The following SLC35A3 variants were observed in gnomAD, a reference collection of about 807,000 sequenced individuals.
The protein encoded by SLC35A3 is UDP-N-acetylglucosamine transporter.
SLC35A3 carries 26 observed loss-of-function variants against 39.0 expected under a neutral mutation model. The observed-to-expected ratio is 0.67, with a 90% CI of 0.49 to 0.92. The LOEUF (loss-of-function observed/expected upper bound fraction) is 0.92, where lower values mean the gene tolerates loss of function less well. SLC35A3 is among the 40% of genes least tolerant of loss of function. SLC35A3 has a pLI of 0.00. For synonymous variants in SLC35A3, 135 were observed against 133.1 expected, an observed-to-expected ratio of 1.01 and a Z score of -0.10; for missense variants, 299 against 371.6, an observed-to-expected ratio of 0.80 and a Z score of 1.61.
chr1:99,984,283 T>C (rs1462875401), intron 1 of SLC35A3, among the ~76,000 whole-genome samples: 1 of 152,214 alleles, frequency 6.6e-6, no homozygotes, highest in Non-Finnish European at 1.5e-5. Context: ...GAGTTGTAGA[T>C]TAAAGGGGCC....
chr1:100,014,028 A>G (rs950336847), intron 5 of SLC35A3, among the ~76,000 whole-genome samples: 53 of 152,166 alleles, frequency 3.5e-4, no homozygotes, highest in African/African-American at 1.3e-3. Context: ...TCTTATTCCA[A>G]TAGTCATGTG....
intron 1 of SLC35A3, among the ~76,000 whole-genome samples, chr1:99,983,245 A>G (rs1482746029): frequency 5.3e-5 from 8 of 152,034 alleles, no homozygotes; most frequent in Admixed American, 5.2e-4. Flanking sequence ...AATGGCTACA[A>G]AAATACGGTT....
chr1:100,029,869 A>G lies in SLC35A3; in HGVS notation c.*7393A>G, dbSNP rs1020155226. On this transcript the variant is annotated 3_prime_UTR_variant, in exon 8 of 8. Transcript: ENST00000533028. ...AGAACATATATATATATATAGAGAG[A>G]GAGAGAGCATAGTATTGTCATTTAG... 9 of 152,200 alleles carry G rather than the reference A, an allele frequency of 5.9e-5. No homozygotes were observed. Among genetic ancestry groups the G allele is most frequent in the Non-Finnish European group, 7.4e-5 (5 of 68,024 alleles). The allele number at this position is 152,200 out of a possible 1,614,324, so 9.4% of individuals were successfully genotyped here. A position where few individuals can be genotyped will look rare whatever the true frequency, so the allele number is the denominator to read the frequency against.
At chr1:100,011,585 A>G (rs1659642914) in intron 5 of SLC35A3, 52 bp downstream of exon 5, 1 of 665,298 alleles carries the variant, frequency 1.5e-6, no homozygotes, top group African/African-American at 1.9e-5. Context: ...ATATTGTTAT[A>G]TTTAAAGATT....
rs1299400346 is a variant in SLC35A3, at chr1:100,028,927, CAG to C, written c.*6454_*6455del. 1.3e-5 allele frequency: 2 copies of C among 152,272 alleles called. No homozygotes were observed. Among genetic ancestry groups the C allele is most frequent in the South Asian group, 4.1e-4 (2 of 4,834 alleles). 9.4% of individuals were successfully genotyped at this position (152,272 alleles called of 1,614,324 possible). A position where few individuals can be genotyped will look rare whatever the true frequency, so the allele number is the denominator to read the frequency against. ...CAGCCAAAGGAAGTGACACATAAAACAGAGTCTAGGAGTGGTCCAAACTTGAG... is the reference window on the plus strand; with the variant it reads ...CAGCCAAAGGAAGTGACACATAAAACAGTCTAGGAGTGGTCCAAACTTGAG... On this transcript the variant is annotated 3_prime_UTR_variant, in exon 8 of 8. Transcript: ENST00000533028.
Position 100,029,392 on chromosome 1 carries a change from A to C in SLC35A3, c.*6916A>C, listed in dbSNP as rs1265729700. On this transcript the variant is annotated 3_prime_UTR_variant, in exon 8 of 8. Coordinates refer to ENST00000533028, the MANE Select transcript of SLC35A3 (RefSeq NM_012243.3). ...CCTTCTGAATTGATGAGGATGATAC[A>C]AGCAACGACAATTCTTCTTTTCAGA... 6.6e-6 allele frequency: 1 copy of C among 151,990 alleles called. No individual in the cohort carries two copies. Among genetic ancestry groups the C allele is most frequent in the African/African-American group, 2.4e-5 (1 of 41,334 alleles). The allele number at this position is 151,990 out of a possible 1,614,324, so 9.4% of individuals were successfully genotyped here. A position where few individuals can be genotyped will look rare whatever the true frequency, so the allele number is the denominator to read the frequency against.
rs1661120006 is a variant in SLC35A3, at chr1:100,029,667, G to T, written c.*7191G>T. 2 of 152,128 alleles carry T rather than the reference G, an allele frequency of 1.3e-5. No individual in the cohort carries two copies. Among genetic ancestry groups the T allele is most frequent in the African/African-American group, 4.8e-5 (2 of 41,390 alleles). The allele number at this position is 152,128 out of a possible 1,614,324, so 9.4% of individuals were successfully genotyped here. On this transcript the variant is annotated 3_prime_UTR_variant, in exon 8 of 8. Transcript: ENST00000533028. ...GCTGGTCTCGAACTCCTGACCTCAG[G>T]TGATCTGCCGGCCTTGGCCTCCCAA...
At chr1:100,018,134 A>G (rs989807309) in intron 7 of SLC35A3, among the ~76,000 whole-genome samples, 2 of 152,226 alleles carry the variant, frequency 1.3e-5, no homozygotes, top group Admixed American at 1.3e-4. Flanking sequence ...CATTTTTAAA[A>G]TACGGAATTT....
intron 1 of SLC35A3, among the ~76,000 whole-genome samples, chr1:99,982,612 T>TA (rs1424160925): frequency 4.6e-5 from 7 of 152,294 alleles, no homozygotes; most frequent in South Asian, 4.1e-4. Context: ...TAACTATAGA[T>TA]TTTAGTGTGT....
In SLC35A3 at chr1:100,022,540, A is replaced by G. The variant is rs779173057; in HGVS notation, c.*64A>G. On this transcript the variant is annotated 3_prime_UTR_variant, in exon 8 of 8. Coordinates refer to ENST00000533028, the MANE Select transcript of SLC35A3 (RefSeq NM_012243.3). ...CTAGGAATCTCGACATTAATCTTGC[A>G]CAGAGGACTTCTACAGAGTCTGAGA... 7.3e-6 allele frequency: 6 copies of G among 822,438 alleles called. No homozygotes were observed. The highest frequency in any genetic ancestry group is 6.9e-5 in the African/African-American group (4 of 58,150). 50.9% of individuals were successfully genotyped at this position (822,438 alleles called of 1,614,324 possible). A position where few individuals can be genotyped will look rare whatever the true frequency, so the allele number is the denominator to read the frequency against.
intron 3 of SLC35A3, among the ~76,000 whole-genome samples, chr1:100,002,263 AGGCT>A (rs1658864650): frequency 6.6e-6 from 1 of 152,034 alleles, no homozygotes; most frequent in South Asian, 2.1e-4. Flanking sequence ...CTTTTGTGGG[AGGCT>A]TTTTAAGTGC....
chr1:99,970,594 C>G (rs1208484285), intron 1 of SLC35A3: 10 of 1,536,008 alleles, frequency 6.5e-6, no homozygotes, highest in Non-Finnish European at 8.7e-6. Context: ...CGACCAGCAC[C>G]TGGAGCTCAA....
chr1:99,977,240 T>A (rs907444286), intron 1 of SLC35A3, among the ~76,000 whole-genome samples: 1 of 151,644 alleles, frequency 6.6e-6, no homozygotes, highest in African/African-American at 2.4e-5. Context: ...GCAGTAGGCC[T>A]GGTGCAGTGG....
chr1:99,983,181 GGT>G (rs967120631), intron 1 of SLC35A3, among the ~76,000 whole-genome samples: 1 of 151,472 alleles, frequency 6.6e-6, no homozygotes, highest in Admixed American at 6.6e-5. Flanking sequence ...TGTGTGTGTG[GGT>G]GTGTGTGTGT....
chr1:100,011,911 G>A (rs1454231577), intron 5 of SLC35A3, among the ~76,000 whole-genome samples: 2 of 151,492 alleles, frequency 1.3e-5, no homozygotes, highest in African/African-American at 2.4e-5. Context: ...GTAGAGATAG[G>A]GTTTCACTGT....
In SLC35A3 at chr1:100,028,241, T is replaced by TA. The variant is rs1661024453; in HGVS notation, c.*5766dup. 2 of 152,046 alleles carry TA rather than the reference T, an allele frequency of 1.3e-5. No individual in the cohort carries two copies. The highest frequency in any genetic ancestry group is 6.6e-5 in the Admixed American group (1 of 15,236). 9.4% of individuals were successfully genotyped at this position (152,046 alleles called of 1,614,324 possible). A position where few individuals can be genotyped will look rare whatever the true frequency, so the allele number is the denominator to read the frequency against. ...GGCGTGAGCCGCTGCGCCCGGCCAATACTGCCTTTCAAAAGAGACTGATAG... is the reference window on the plus strand; with the variant it reads ...GGCGTGAGCCGCTGCGCCCGGCCAATAACTGCCTTTCAAAAGAGACTGATAG... On this transcript the variant is annotated 3_prime_UTR_variant, in exon 8 of 8. Coordinates refer to ENST00000533028, the MANE Select transcript of SLC35A3 (RefSeq NM_012243.3).
intron 1 of SLC35A3, among the ~76,000 whole-genome samples, chr1:99,990,348 G>A (rs1658006821): frequency 6.6e-6 from 1 of 152,070 alleles, no homozygotes; most frequent in Admixed American, 6.6e-5. Context: ...GACCAAGGTG[G>A]GTGGATCATG....
intron 1 of SLC35A3, among the ~76,000 whole-genome samples, chr1:99,992,496 A>G (rs79129117): frequency 0.059 from 9,000 of 152,192 alleles, 349 homozygotes; most frequent in African/African-American, 0.1. Context: ...GAATTGCTTT[A>G]GGGAAAATAT....
At position 100,031,562 on chromosome 1, in the gene SLC35A3, C is replaced by T. The variant is rs1405954842; in HGVS notation, c.*9086C>T. 1 of 152,058 alleles carries T rather than the reference C, an allele frequency of 6.6e-6. No individual in the cohort carries two copies. Among genetic ancestry groups the T allele is most frequent in the Non-Finnish European group, 1.5e-5 (1 of 68,020 alleles). The allele number at this position is 152,058 out of a possible 1,614,324, so 9.4% of individuals were successfully genotyped here. On this transcript the variant is annotated 3_prime_UTR_variant, in exon 8 of 8. Transcript: ENST00000533028. ...TACCAAAATTTGGGCACACTCAAGTCCTTAAGGGGAAACCGCGTATAAGAA... is the reference window on the plus strand; with the variant it reads ...TACCAAAATTTGGGCACACTCAAGTTCTTAAGGGGAAACCGCGTATAAGAA...
Sources: gnomAD v4.1 joint callset for allele counts (sites outside exome capture counted in the v4.1 genomes callset) on GRCh38, gnomAD v4.1.1 for gene constraint, MANE v1.5 for transcripts, NCBI Gene and HGNC (gene_info 2026-07-23, HGNC 2026-07-21) for gene names.